Variants in CTTNBP2 observed in about 807,000 individuals in gnomAD.
CTTNBP2 encodes the protein cortactin binding protein 2, also known as cortactin-binding protein 2.
A neutral mutation model predicts 156.9 loss-of-function variants in CTTNBP2; 108 were observed. That is an observed-to-expected ratio of 0.69 (90% CI 0.59 to 0.81). The LOEUF is 0.81. CTTNBP2 is among the 30% of genes least tolerant of loss of function. The probability of loss-of-function intolerance (pLI) is 0.00; values close to 1 mark genes in which losing one functional copy is unlikely to be tolerated. For synonymous variants in CTTNBP2, 767 were observed against 751.8 expected (o/e 1.02, Z -0.33); for missense variants, 1,924 against 2,035.4 (o/e 0.95, Z 1.05).
chr7:117,758,777 C>A (rs1179600316), intron 10 of CTTNBP2, among the ~76,000 whole-genome samples: 3 of 152,164 alleles, frequency 2.0e-5, no homozygotes, highest in Admixed American at 1.3e-4. Context: ...GTCCTTTATC[C>A]ACAAAACTCA....
At position 117,791,088 on chromosome 7, in the gene CTTNBP2, C is replaced by T. The variant is rs147505672; in HGVS notation, c.2068+40G>A. Reference sequence around the variant, plus strand: ...AATCAAGGCAAGTGAGAAGAGAGGCCATATTCTTTAAAAAGCGTATAACAT... The same window carrying T: ...AATCAAGGCAAGTGAGAAGAGAGGCTATATTCTTTAAAAAGCGTATAACAT... On this transcript the variant is annotated intron_variant, in intron 4 of 22. Coordinates refer to ENST00000160373, the MANE Select transcript of CTTNBP2 (RefSeq NM_033427.3). The T allele has an allele frequency of 9.2e-3, 13,939 of 1,514,542 alleles. 104 individuals carry two copies. Among genetic ancestry groups the T allele is most frequent in the Non-Finnish European group, 0.011 (11,915 of 1,108,330 alleles). 93.8% of individuals were successfully genotyped at this position (1,514,542 alleles called of 1,614,324 possible). A position where few individuals can be genotyped will look rare whatever the true frequency, so the allele number is the denominator to read the frequency against.
intron 4 of CTTNBP2, among the ~76,000 whole-genome samples, chr7:117,786,082 T>A (rs548899054): frequency 7.7e-4 from 118 of 152,294 alleles, no homozygotes; most frequent in Non-Finnish European, 2.8e-4. Flanking sequence ...TAAATTATCT[T>A]AGCATTTTAA....
intron 9 of CTTNBP2, among the ~76,000 whole-genome samples, chr7:117,761,030 T>C (rs770335703): frequency 1.3e-5 from 2 of 152,206 alleles, no homozygotes; most frequent in Non-Finnish European, 2.9e-5. Context: ...AACCCTCCCT[T>C]GACCCTGAAT....
At chr7:117,853,068 TA>T (rs1803035330) in intron 2 of CTTNBP2, among the ~76,000 whole-genome samples, 1 of 152,126 alleles carries the variant, frequency 6.6e-6, no homozygotes, top group South Asian at 2.1e-4. Flanking sequence ...AACGAAAACC[TA>T]ACAATATTAA....
chr7:117,711,612 T>C lies in CTTNBP2; in HGVS notation c.4917A>G (p.Ile1639Met), dbSNP rs1228395920. ...RSSSSSNTRQ[I>M]EINNNSKEVN... ...CTTCTTTTGAGTTGTTGTTGATTTC[T>C]ATTTGCCTTGTATTACTGCTGCTGC... Residue 1639 changes from isoleucine (I) to methionine (M), a missense_variant, in exon 23 of 23, where the codon ATA becomes ATG. Ile to Met is a conservative substitution (Grantham distance 10, BLOSUM62 1). Coordinates refer to ENST00000160373, the MANE Select transcript of CTTNBP2 (RefSeq NM_033427.3). The C allele has an allele frequency of 3.7e-6, 6 of 1,614,094 alleles. No homozygotes were observed. Among genetic ancestry groups the C allele is most frequent in the South Asian group, 1.1e-5 (1 of 91,080 alleles).
At position 117,791,637 on chromosome 7, in the gene CTTNBP2, G is replaced by T; in HGVS notation, c.1559C>A (p.Thr520Asn). Residue 520 changes from threonine (T) to asparagine (N), a missense_variant, in exon 4 of 23, where the codon ACC becomes AAC. Thr to Asn is a moderately conservative substitution (Grantham distance 65). Coordinates refer to ENST00000160373, the MANE Select transcript of CTTNBP2 (RefSeq NM_033427.3). ...PGVPPTGDVG[T>N]HPPVGRTSLK... is the part of the protein sequence containing the mutation. Reference sequence around the variant, plus strand: ...ACTGGTCCGACCAACTGGAGGGTGGGTGCCAACATCCCCTGTTGGGGGCAC... The same window carrying T: ...ACTGGTCCGACCAACTGGAGGGTGGTTGCCAACATCCCCTGTTGGGGGCAC... 6.2e-7 allele frequency: 1 copy of T among 1,614,154 alleles called. No homozygotes were observed. Among genetic ancestry groups the T allele is most frequent in the African/African-American group, 1.3e-5 (1 of 75,038 alleles).
chr7:117,784,462 T>C lies in CTTNBP2; in HGVS notation c.2069-8A>G. ...TTAGGGAGGGTGACCAGCCTGTAGG[T>C]TAAAGTGACCCTCGTTAGAGAGTAG... On this transcript the variant is annotated splice_region_variant and splice_polypyrimidine_tract_variant and intron_variant, in intron 4 of 22. Coordinates refer to ENST00000160373, the MANE Select transcript of CTTNBP2 (RefSeq NM_033427.3). 6.4e-7 allele frequency: 1 copy of C among 1,567,644 alleles called. No homozygotes were observed. The highest frequency in any genetic ancestry group is 8.6e-7 in the Non-Finnish European group (1 of 1,162,330).
Position 117,768,291 on chromosome 7 carries a change from G to A in CTTNBP2, c.2779-1115C>T, listed in dbSNP as rs191918508. ...GAAATACCATATCTGGCTGGGTGTG[G>A]TGGCTCATGTCTGTAATCCCAGCAC... On this transcript the variant is annotated intron_variant, in intron 8 of 22. Transcript: ENST00000160373. Among the ~76,000 whole-genome samples the A allele has an allele frequency of 1.7e-3, 259 of 152,134 alleles. 4 individuals are homozygous for A. The highest frequency in any genetic ancestry group is 0.012 in the Admixed American group (179 of 15,268).
intron 3 of CTTNBP2, among the ~76,000 whole-genome samples, chr7:117,809,073 T>C (rs1412633010): frequency 1.3e-5 from 2 of 152,176 alleles, no homozygotes; most frequent in Admixed American, 6.5e-5. Context: ...GACACACCAC[T>C]GGCTCATTTT....
chr7:117,863,463 G>A (rs1164847042), intron 1 of CTTNBP2, among the ~76,000 whole-genome samples: 1 of 152,146 alleles, frequency 6.6e-6, no homozygotes, highest in East Asian at 1.9e-4. Context: ...CTCAAACATT[G>A]GCATGCATAA....
chr7:117,863,509 G>A (rs961680895), intron 1 of CTTNBP2, among the ~76,000 whole-genome samples: 16 of 152,262 alleles, frequency 1.1e-4, no homozygotes, highest in Admixed American at 7.8e-4. Context: ...AACAAGCCAC[G>A]GGGCTCCACC....
chr7:117,751,666 A>T (rs1796625748), intron 12 of CTTNBP2, among the ~76,000 whole-genome samples: 1 of 152,246 alleles, frequency 6.6e-6, no homozygotes, highest in Non-Finnish European at 1.5e-5. Context: ...TAAGAGTAAT[A>T]GGAATTTAAG....
At chr7:117,733,322 C>T (rs947407171) in intron 16 of CTTNBP2, among the ~76,000 whole-genome samples, 1 of 152,004 alleles carries the variant, frequency 6.6e-6, no homozygotes, top group Non-Finnish European at 1.5e-5. Flanking sequence ...CACTCTCAAA[C>T]GCAATGGAAA....
intron 1 of CTTNBP2, among the ~76,000 whole-genome samples, chr7:117,871,235 G>A (rs1446440576): frequency 1.3e-5 from 2 of 151,530 alleles, no homozygotes; most frequent in Non-Finnish European, 2.9e-5. Context: ...CTCTACACTA[G>A]CTTTCCTTTC....
intron 9 of CTTNBP2, among the ~76,000 whole-genome samples, chr7:117,762,855 T>C (rs1239301171): frequency 1.3e-5 from 2 of 152,204 alleles, no homozygotes; most frequent in African/African-American, 4.8e-5. Context: ...TCTCTTTCCT[T>C]TTAACCCAGT....
intron 1 of CTTNBP2, among the ~76,000 whole-genome samples, chr7:117,866,717 C>T (rs951234654): frequency 6.6e-5 from 10 of 152,266 alleles, no homozygotes; most frequent in African/African-American, 1.9e-4. Context: ...CCCCCATCCC[C>T]TAAATGTCCT....
At chr7:117,820,657 G>A (rs1800904769) in intron 2 of CTTNBP2, among the ~76,000 whole-genome samples, 1 of 152,128 alleles carries the variant, frequency 6.6e-6, no homozygotes. Flanking sequence ...TATCTCTGAT[G>A]CCTTTGTTGA....
At chr7:117,757,829 G>T in intron 11 of CTTNBP2, 46 bp downstream of exon 11, 1 of 1,323,306 alleles carries the variant, frequency 7.6e-7, no homozygotes, top group Non-Finnish European at 1.1e-6. Context: ...AGGCAGCCAT[G>T]AAGCAAACAC....
chr7:117,804,713 T>C (rs530242750), intron 3 of CTTNBP2, among the ~76,000 whole-genome samples: 1 of 152,244 alleles, frequency 6.6e-6, no homozygotes, highest in East Asian at 1.9e-4. Flanking sequence ...AAGTGGGAGC[T>C]GAACAATGTC....
Sources: gnomAD v4.1 joint callset for allele counts (sites outside exome capture counted in the v4.1 genomes callset) on GRCh38, gnomAD v4.1.1 for gene constraint, MANE v1.5 for transcripts, NCBI Gene and HGNC (gene_info 2026-07-23, HGNC 2026-07-21) for gene names.